The following TCP11L2 variants were observed in gnomAD, a reference collection of about 807,000 sequenced individuals.
The protein encoded by TCP11L2 is T-complex protein 11-like protein 2.
TCP11L2 carries 39 observed loss-of-function variants against 50.7 expected under a neutral mutation model. The ratio of observed to expected loss-of-function variants is 0.77; its 90% CI spans 0.60 to 1.01. The LOEUF (loss-of-function observed/expected upper bound fraction) is 1.01. Among genes scored for constraint, TCP11L2 ranks in the 50% least tolerant of loss-of-function variants. The probability of loss-of-function intolerance (pLI) is 0.00; values close to 1 mark genes in which losing one functional copy is unlikely to be tolerated. For missense variants in TCP11L2, 612 were observed against 614.7 expected (o/e 1.00, Z 0.05); for synonymous variants, 192 against 219.3 (o/e 0.88, Z 1.10).
intron 1 of TCP11L2, among the ~76,000 whole-genome samples, chr12:106,306,926 T>C (rs913121325): frequency 6.6e-6 from 1 of 152,214 alleles, no homozygotes; most frequent in Non-Finnish European, 1.5e-5. Context: ...CAGTGTATCT[T>C]TGCAATTCTG....
At chr12:106,303,298 C>T in intron 1 of TCP11L2, 1 of 153,154 alleles carries the variant, frequency 6.5e-6, no homozygotes, top group Non-Finnish European at 1.5e-5. Context: ...GCACCCCCTT[C>T]CCCCACACTC....
At chr12:106,313,320 TAC>T (rs2136644896) in intron 2 of TCP11L2, among the ~76,000 whole-genome samples, 1 of 152,202 alleles carries the variant, frequency 6.6e-6, no homozygotes, top group Admixed American at 6.5e-5. Flanking sequence ...TGCGGTGGCT[TAC>T]ACCTGTAATC....
At chr12:106,314,576 T>TGAGA (rs71072670) in intron 3 of TCP11L2, 83 bp downstream of exon 3, 28 of 282,728 alleles carry the variant, frequency 9.9e-5, no homozygotes, top group East Asian at 5.5e-4. Flanking sequence ...TGTGTGTGTG[T>TGAGA]GAGAGAGAGA....
rs760875360 is a variant in TCP11L2 at position 106,335,710 on chromosome 12, GC to G, written c.845del (p.Ala282ValfsTer2). On this transcript the variant is annotated frameshift_variant, in exon 7 of 10. Coordinates refer to ENST00000299045, the MANE Select transcript of TCP11L2 (RefSeq NM_152772.3). LOFTEE classifies it high-confidence loss of function. Reference protein sequence around the residue: ...NEELFSLSESALTPGAENTSK... With the variant: ...NEELFSLSESXLTPGAENTSK... ...AGAATTATTTTCTCTTTCTGAGAGT[GC>G]TTTAACTCCTGGGGCCGAAAATACC... 7.4e-6 allele frequency: 12 copies of G among 1,614,218 alleles called. No homozygotes were observed. The South Asian group carries it at 1.1e-4, about 15-fold the overall frequency.
chr12:106,326,206 A>C (rs919784753), intron 6 of TCP11L2, among the ~76,000 whole-genome samples: 7 of 152,172 alleles, frequency 4.6e-5, no homozygotes, highest in African/African-American at 1.7e-4. Flanking sequence ...AAAAAAGACA[A>C]AACAGGCGCC....
intron 6 of TCP11L2, among the ~76,000 whole-genome samples, chr12:106,332,243 G>A (rs574120711): frequency 3.5e-4 from 54 of 152,176 alleles, no homozygotes; most frequent in Non-Finnish European, 7.5e-4. Flanking sequence ...AAAACTCTGG[G>A]AAATCATTAG....
intron 6 of TCP11L2, among the ~76,000 whole-genome samples, chr12:106,328,274 C>A (rs2035625650): frequency 6.6e-6 from 1 of 152,208 alleles, no homozygotes; most frequent in Non-Finnish European, 1.5e-5. Flanking sequence ...GGCTGGGCGC[C>A]ATGGCTTACG....
chr12:106,346,848 G>A lies in TCP11L2; in HGVS notation c.*318G>A. 1 of 219,120 alleles carries A rather than the reference G, an allele frequency of 4.6e-6. No individual in the cohort carries two copies. The highest frequency in any genetic ancestry group is 9.0e-6 in the Non-Finnish European group (1 of 111,370). The allele number at this position is 219,120 out of a possible 1,614,324, so 13.6% of individuals were successfully genotyped here. A position where few individuals can be genotyped will look rare whatever the true frequency, so the allele number is the denominator to read the frequency against. On this transcript the variant is annotated 3_prime_UTR_variant, in exon 10 of 10. Transcript: ENST00000299045. ...AATGTTTTCTTAACCATTTATATTT[G>A]GCTTATGACATTTAACCCCTAAGGA... is the stretch of plus-strand genomic sequence containing the variant.
intron 1 of TCP11L2, among the ~76,000 whole-genome samples, chr12:106,309,458 A>G (rs1302766339): frequency 6.6e-6 from 1 of 151,948 alleles, no homozygotes; most frequent in Non-Finnish European, 1.5e-5. Context: ...CTCAGCAAGG[A>G]TACATTTCTG....
At chr12:106,329,338 G>A (rs146483435) in intron 6 of TCP11L2, 8 of 1,535,974 alleles carry the variant, frequency 5.2e-6, no homozygotes, top group Admixed American at 3.9e-5. Flanking sequence ...AGGAAAAGCC[G>A]AGGTTGCAGG....
Position 106,336,195 on chromosome 12 carries a change from T to C in TCP11L2, c.1124T>C (p.Leu375Pro), listed in dbSNP as rs1415580916. The C allele has an allele frequency of 6.2e-7, 1 of 1,609,620 alleles. No individual in the cohort carries two copies. Among genetic ancestry groups the C allele is most frequent in the East Asian group, 2.2e-5 (1 of 44,854 alleles). The change falls in exon 8 of 10, where the codon CTT (leucine) becomes CCT (proline). Residue 375 changes from leucine to proline, a missense_variant. Physicochemically the swap from Leu to Pro is moderately conservative, Grantham distance 98 (BLOSUM62 -3). Coordinates refer to ENST00000299045, the MANE Select transcript of TCP11L2 (RefSeq NM_152772.3). ...SRLTRISAVL[L>P]EGMNKETFNL... ...TTAACAAGGATTTCAGCTGTTCTAC[T>C]TGAAGGCATGAACAAAGAGTAAGTT...
At chr12:106,323,114 G>A (rs1176095321) in intron 5 of TCP11L2, among the ~76,000 whole-genome samples, 1 of 152,200 alleles carries the variant, frequency 6.6e-6, no homozygotes, top group Non-Finnish European at 1.5e-5. Flanking sequence ...GCATGAGGCT[G>A]CCTAACTCTA....
At chr12:106,304,559 T>C (rs1333360266) in intron 1 of TCP11L2, among the ~76,000 whole-genome samples, 1 of 152,220 alleles carries the variant, frequency 6.6e-6, no homozygotes, top group Non-Finnish European at 1.5e-5. Context: ...CATCTGCAAT[T>C]TTTTTCTTTA....
At chr12:106,300,264 T>C (rs1174390481), upstream of TCP11L2, among the ~76,000 whole-genome samples, 3 of 152,172 alleles carry the variant, frequency 2.0e-5, no homozygotes, top group Admixed American at 6.5e-5. Context: ...AACAATGTGA[T>C]ACAAGGCTCA....
chr12:106,314,576 T>TGAGAGAGA (rs71072670), intron 3 of TCP11L2, 83 bp downstream of exon 3: 2 of 282,666 alleles, frequency 7.1e-6, no homozygotes, highest in South Asian at 7.0e-5. Flanking sequence ...TGTGTGTGTG[T>TGAGAGAGA]GAGAGAGAGA....
chr12:106,329,139 C>G (rs1019958471), intron 6 of TCP11L2, among the ~76,000 whole-genome samples: 3 of 152,054 alleles, frequency 2.0e-5, no homozygotes, highest in Non-Finnish European at 4.4e-5. Flanking sequence ...GGGGTAGAAG[C>G]ACGTGTAATA....
chr12:106,321,055 T>TG (rs1376602938), intron 4 of TCP11L2, among the ~76,000 whole-genome samples: 18 of 152,376 alleles, frequency 1.2e-4, no homozygotes, highest in African/African-American at 4.3e-4. Flanking sequence ...TTTAGAAGTT[T>TG]GGTGATTTTT....
upstream of TCP11L2, among the ~76,000 whole-genome samples, chr12:106,302,243 G>C (rs1453039015): frequency 6.6e-6 from 1 of 152,080 alleles, no homozygotes; most frequent in Non-Finnish European, 1.5e-5. Flanking sequence ...GGAAGCCCAG[G>C]GGATCTGTCC....
At chr12:106,346,231 A>T in intron 9 of TCP11L2, 55 bp from the exon 10 acceptor site, 1 of 1,527,010 alleles carries the variant, frequency 6.5e-7, no homozygotes, top group South Asian at 1.3e-5. Flanking sequence ...TCTTGTTTTT[A>T]AAAATTATGT....
Sources: allele counts gnomAD v4.1 joint callset (sites outside exome capture counted in the v4.1 genomes callset), GRCh38; gene constraint gnomAD v4.1.1; transcripts MANE v1.5; gene names NCBI Gene and HGNC (gene_info 2026-07-23, HGNC 2026-07-21).